ARK2C: variants seen among roughly 807,000 people sequenced by gnomAD.
ARK2C encodes E3 ubiquitin-protein ligase ARK2C.
chr18:46,395,096 C>T, the ARK2C span, among the ~76,000 whole-genome samples: 138 of 152,322 alleles, frequency 9.1e-4, no homozygotes, highest in African/African-American at 3.2e-3. Flanking sequence ...CTGAAGTCAA[C>T]GCTGACTAGC....
chr18:46,456,571 G>T, the ARK2C span: 1 of 1,614,050 alleles, frequency 6.2e-7, no homozygotes, highest in Non-Finnish European at 8.5e-7. Flanking sequence ...CCAGTGGCTC[G>T]CCATGAGCAA....
chr18:46,380,569 C>T, the ARK2C span, among the ~76,000 whole-genome samples: 1 of 152,194 alleles, frequency 6.6e-6, no homozygotes, highest in Non-Finnish European at 1.5e-5. Flanking sequence ...GGTCCTAGTG[C>T]TTCATCCTTC....
chr18:46,409,450 A>G, the ARK2C span, among the ~76,000 whole-genome samples: 1 of 152,232 alleles, frequency 6.6e-6, no homozygotes, highest in Non-Finnish European at 1.5e-5. Context: ...AGGACAGGGC[A>G]GGAGGAAATG....
the ARK2C span, chr18:46,433,038 T>C: frequency 1.8e-6 from 1 of 548,712 alleles, no homozygotes; most frequent in African/African-American, 2.0e-5. Context: ...GGGTTAAGGA[T>C]GACCACATGC....
chr18:46,392,186 A>G, the ARK2C span, among the ~76,000 whole-genome samples: 1 of 152,180 alleles, frequency 6.6e-6, no homozygotes, highest in Non-Finnish European at 1.5e-5. Context: ...ATGCACACAT[A>G]CTGTGGTCAT....
the ARK2C span, among the ~76,000 whole-genome samples, chr18:46,396,925 G>T: frequency 6.6e-6 from 1 of 152,242 alleles, no homozygotes; most frequent in African/African-American, 2.4e-5. Context: ...ATCCAGCTGT[G>T]CCTGGGCAGC....
At chr18:46,383,786 C>G in the ARK2C span, among the ~76,000 whole-genome samples, 2 of 151,884 alleles carry the variant, frequency 1.3e-5, no homozygotes. Context: ...GATCTGACCT[C>G]GTGATCCGCC....
chr18:46,336,373 A>ACC, the ARK2C span: 1 of 968,768 alleles, frequency 1.0e-6, no homozygotes, highest in Non-Finnish European at 1.2e-6. Flanking sequence ...CTTCTCCCTC[A>ACC]CCCCCCCCAA....
the ARK2C span, among the ~76,000 whole-genome samples, chr18:46,439,378 T>C: frequency 6.6e-6 from 1 of 152,278 alleles, no homozygotes; most frequent in East Asian, 1.9e-4. Context: ...CACAGCAAGA[T>C]GAGGAGGGGA....
the ARK2C span, among the ~76,000 whole-genome samples, chr18:46,440,172 C>A: frequency 6.6e-6 from 1 of 152,134 alleles, no homozygotes; most frequent in African/African-American, 2.4e-5. Context: ...CTTCCCCGGT[C>A]CTGATATTAC....
the ARK2C span, among the ~76,000 whole-genome samples, chr18:46,388,732 T>C: frequency 2.0e-5 from 3 of 152,144 alleles, no homozygotes; most frequent in African/African-American, 7.2e-5. Context: ...AAGCAGCTTT[T>C]TCAGAAGGTG....
At chr18:46,381,481 C>T in the ARK2C span, among the ~76,000 whole-genome samples, 1 of 152,174 alleles carries the variant, frequency 6.6e-6, no homozygotes, top group Non-Finnish European at 1.5e-5. Context: ...CCTGTTTGGT[C>T]CTTCTCACGG....
chr18:46,433,096 C>T, the ARK2C span: 1 of 929,594 alleles, frequency 1.1e-6, no homozygotes, highest in Non-Finnish European at 1.6e-6. Context: ...TCTTGAGCTT[C>T]ACCAGCCCCA....
chr18:46,394,060 C>T, the ARK2C span, among the ~76,000 whole-genome samples: 1 of 152,212 alleles, frequency 6.6e-6, no homozygotes, highest in South Asian at 2.1e-4. Flanking sequence ...TTCCTGTTGC[C>T]CTCGGGTACC....
the ARK2C span, chr18:46,450,566 T>C: frequency 3.6e-5 from 29 of 814,440 alleles, no homozygotes; most frequent in Admixed American, 2.5e-4. Flanking sequence ...TATTGCAGTC[T>C]TTCAGCATCA....
the ARK2C span, among the ~76,000 whole-genome samples, chr18:46,442,118 G>A: frequency 2.0e-5 from 3 of 149,788 alleles, no homozygotes; most frequent in South Asian, 4.2e-4. Flanking sequence ...AGTCGAGATC[G>A]CGCCACTGCG....
At chr18:46,419,942 G>T in the ARK2C span, among the ~76,000 whole-genome samples, 5 of 151,584 alleles carry the variant, frequency 3.3e-5, no homozygotes, top group Non-Finnish European at 7.4e-5. Flanking sequence ...GACGTCCACC[G>T]TCTCTTTTTC....
the ARK2C span, among the ~76,000 whole-genome samples, chr18:46,427,302 C>CAGCAA: frequency 6.6e-6 from 1 of 152,242 alleles, no homozygotes; most frequent in African/African-American, 2.4e-5. Flanking sequence ...GCTTTCACTT[C>CAGCAA]CCAGTGCGTC....
the ARK2C span, among the ~76,000 whole-genome samples, chr18:46,391,162 A>G: frequency 6.6e-6 from 1 of 152,138 alleles, no homozygotes; most frequent in Non-Finnish European, 1.5e-5. Context: ...GCCACTTCGC[A>G]ATTCATCACT....
Sources: gnomAD v4.1 joint callset for allele counts (sites outside exome capture counted in the v4.1 genomes callset) on GRCh38, gnomAD v4.1.1 for gene constraint, MANE v1.5 for transcripts, NCBI Gene and HGNC (gene_info 2026-07-23, HGNC 2026-07-21) for gene names.